ZNF609: variants seen among roughly 807,000 people sequenced by gnomAD.
The protein encoded by ZNF609 is zinc finger protein 609.
Under a neutral mutation model 109.5 loss-of-function variants are expected in ZNF609, and 11 were observed. The ratio of observed to expected loss-of-function variants is 0.10; its 90% CI spans 0.06 to 0.17. The LOEUF is 0.17. Ranked by LOEUF, ZNF609 falls within the 10% of genes least tolerant of loss-of-function variation. The pLI, the probability that ZNF609 is intolerant of heterozygous loss-of-function variation, is 1.00. For synonymous variants in ZNF609, 646 were observed against 662.0 expected, an observed-to-expected ratio of 0.98 and a Z score of 0.37; for missense variants, 1,559 against 1,772.4, an observed-to-expected ratio of 0.88 and a Z score of 2.16.
chr15:64,460,385 G>GTTTT (rs943395450), upstream of ZNF609, among the ~76,000 whole-genome samples: 10 of 152,182 alleles, frequency 6.6e-5, no homozygotes, highest in Admixed American at 5.9e-4. Flanking sequence ...GGCACGCCGG[G>GTTTT]TTTTCCAGCA....
At chr15:64,538,883 A>G (rs948630424) in intron 2 of ZNF609, among the ~76,000 whole-genome samples, 2 of 151,816 alleles carry the variant, frequency 1.3e-5, no homozygotes, top group East Asian at 3.9e-4. Context: ...AACCCAGGCT[A>G]GAGTGCAGTG....
At chr15:64,678,782 C>T (rs1242300979) in intron 6 of ZNF609, among the ~76,000 whole-genome samples, 1 of 152,212 alleles carries the variant, frequency 6.6e-6, no homozygotes, top group Non-Finnish European at 1.5e-5. Flanking sequence ...GCTGTCTCCC[C>T]TCAGCTGGAA....
At chr15:64,607,058 C>T (rs1218217009) in intron 2 of ZNF609, among the ~76,000 whole-genome samples, 1 of 152,006 alleles carries the variant, frequency 6.6e-6, no homozygotes, top group African/African-American at 2.4e-5. Flanking sequence ...GCAGGAGAAT[C>T]GCTTGAACTC....
At chr15:64,529,448 T>C in intron 2 of ZNF609, 1 of 926,548 alleles carries the variant, frequency 1.1e-6, no homozygotes, top group Non-Finnish European at 1.7e-6. Context: ...GGAAAATGGG[T>C]GATGGGGTTT....
chr15:64,510,384 T>C (rs2140357366), intron 2 of ZNF609, among the ~76,000 whole-genome samples: 1 of 151,850 alleles, frequency 6.6e-6, no homozygotes, highest in Non-Finnish European at 1.5e-5. Flanking sequence ...TTTAATTTTT[T>C]TTATACAGTT....
At chr15:64,652,514 G>A (rs1896433913) in intron 3 of ZNF609, among the ~76,000 whole-genome samples, 1 of 150,970 alleles carries the variant, frequency 6.6e-6, no homozygotes, top group Non-Finnish European at 1.5e-5. Context: ...AGCCTTCCAA[G>A]TAGCTGGGAC....
chr15:64,601,344 G>T (rs1338314171), intron 2 of ZNF609, among the ~76,000 whole-genome samples: 1 of 152,146 alleles, frequency 6.6e-6, no homozygotes, highest in Non-Finnish European at 1.5e-5. Flanking sequence ...TAACAGCCAG[G>T]TAAGATAGTT....
chr15:64,627,659 CTTTCTTTTTT>C (rs1895988484), intron 3 of ZNF609, among the ~76,000 whole-genome samples: 1 of 80,662 alleles, frequency 1.2e-5, no homozygotes, highest in Non-Finnish European at 2.7e-5. Context: ...TTCTTTTTTT[CTTTCTTTTTT>C]TTTTTTTTTT....
At chr15:64,678,745 T>G (rs1167075802) in intron 6 of ZNF609, among the ~76,000 whole-genome samples, 8 of 152,200 alleles carry the variant, frequency 5.3e-5, no homozygotes, top group African/African-American at 1.4e-4. Flanking sequence ...CATTGCTAAC[T>G]AAAGGTAAAA....
chr15:64,534,502 A>G (rs1027271832), intron 2 of ZNF609, among the ~76,000 whole-genome samples: 1 of 151,756 alleles, frequency 6.6e-6, no homozygotes, highest in Non-Finnish European at 1.5e-5. Flanking sequence ...TTTAGTAAAG[A>G]TGGGGTTTCA....
rs1398055637 is a variant in ZNF609, at chr15:64,490,269, G to GTTTTTT, written c.-127-9022_-127-9021insTTTTTT. 1.2e-4 allele frequency among the ~76,000 whole-genome samples: 2 copies of GTTTTTT among 16,702 alleles called. 1 individual carries two copies. The allele number at this position is 16,702 out of a possible 152,430, so 11.0% of individuals were successfully genotyped here. ...CATAAGCCACTGCACCCGGCCAGTA[G>GTTTTTT]TTGTTTTTTTTTTTTTTTTTCGAGA... On this transcript the variant is annotated intron_variant, in intron 1 of 9. Coordinates refer to ENST00000326648, the MANE Select transcript of ZNF609 (RefSeq NM_015042.2).
At chr15:64,519,524 C>T (rs1893861587) in intron 2 of ZNF609, among the ~76,000 whole-genome samples, 2 of 152,146 alleles carry the variant, frequency 1.3e-5, no homozygotes, top group Admixed American at 1.3e-4. Context: ...TTTTAAAATC[C>T]ACTGAAAGAG....
intron 3 of ZNF609, among the ~76,000 whole-genome samples, chr15:64,661,260 C>G (rs62023981): frequency 2.6e-5 from 4 of 152,182 alleles, no homozygotes; most frequent in Non-Finnish European, 5.9e-5. Context: ...CCACGACTGG[C>G]CGCGTATCAC....
chr15:64,602,597 TC>T (rs1895517646), intron 2 of ZNF609, among the ~76,000 whole-genome samples: 1 of 152,098 alleles, frequency 6.6e-6, no homozygotes, highest in Non-Finnish European at 1.5e-5. Flanking sequence ...ATGTTGATGT[TC>T]CTTGGGTTCT....
intron 2 of ZNF609, among the ~76,000 whole-genome samples, chr15:64,547,434 A>T (rs1411059675): frequency 6.6e-6 from 1 of 152,216 alleles, no homozygotes; most frequent in East Asian, 1.9e-4. Flanking sequence ...TATAAAGTGG[A>T]TGAATACAGT....
chr15:64,473,809 G>A (rs1376018302), intron 1 of ZNF609, among the ~76,000 whole-genome samples: 4 of 151,634 alleles, frequency 2.6e-5, no homozygotes, highest in Non-Finnish European at 5.9e-5. Context: ...TCAGTCTGTC[G>A]CCCACACCCC....
intron 2 of ZNF609, among the ~76,000 whole-genome samples, chr15:64,503,367 G>GAC (rs1893588759): frequency 6.6e-6 from 1 of 152,174 alleles, no homozygotes; most frequent in African/African-American, 2.4e-5. Context: ...GAATAAACAA[G>GAC]ACAGAGCCTT....
At chr15:64,591,973 T>A (rs1410686089) in intron 2 of ZNF609, among the ~76,000 whole-genome samples, 1 of 152,000 alleles carries the variant, frequency 6.6e-6, no homozygotes, top group Admixed American at 6.6e-5. Flanking sequence ...CCTCCCAAAG[T>A]GCTGGGATTG....
chr15:64,571,248 A>G, intron 2 of ZNF609, among the ~76,000 whole-genome samples: 1 of 152,206 alleles, frequency 6.6e-6, no homozygotes, highest in East Asian at 1.9e-4. Context: ...GCAGAAACAC[A>G]GAGGGCTTAG....
Sources: allele counts gnomAD v4.1 joint callset (sites outside exome capture counted in the v4.1 genomes callset), GRCh38; gene constraint gnomAD v4.1.1; transcripts MANE v1.5; gene names NCBI Gene and HGNC (gene_info 2026-07-23, HGNC 2026-07-21).